The following AUTS2 variants were observed in gnomAD, a reference collection of about 807,000 sequenced individuals.
AUTS2 encodes activator of transcription and developmental regulator AUTS2, also known as autism susceptibility gene 2 protein.
Under a neutral mutation model 112.4 loss-of-function variants are expected in AUTS2, and 17 were observed. The observed-to-expected ratio is 0.15, with a 90% confidence interval of 0.10 to 0.23. The LOEUF (loss-of-function observed/expected upper bound fraction) is 0.23, where lower values mean the gene tolerates loss of function less well. Ranked by LOEUF, AUTS2 falls within the 10% of genes least tolerant of loss-of-function variation. The probability of loss-of-function intolerance (pLI) is 1.00; values close to 1 mark genes in which losing one functional copy is unlikely to be tolerated. For missense variants in AUTS2, 1,510 were observed against 1,701.6 expected (o/e 0.89, Z 1.98); for synonymous variants, 751 against 702.7 (o/e 1.07, Z -1.09).
intron 1 of AUTS2, among the ~76,000 whole-genome samples, chr7:69,832,723 A>G (rs566172630): frequency 1.3e-5 from 2 of 152,340 alleles, no homozygotes; most frequent in South Asian, 2.1e-4. Flanking sequence ...GATTCTTGCC[A>G]GAACTTTACC....
intron 1 of AUTS2, among the ~76,000 whole-genome samples, chr7:69,831,753 T>C (rs999433024): frequency 6.6e-6 from 1 of 152,160 alleles, no homozygotes; most frequent in African/African-American, 2.4e-5. Flanking sequence ...TCCATATTGA[T>C]GATGAAAAAT....
chr7:70,677,430 C>G (rs1048633933), intron 5 of AUTS2, among the ~76,000 whole-genome samples: 1 of 152,156 alleles, frequency 6.6e-6, no homozygotes, highest in African/African-American at 2.4e-5. Flanking sequence ...CTTCTGTGTT[C>G]CTGATGTTAA....
intron 4 of AUTS2, among the ~76,000 whole-genome samples, chr7:70,409,045 G>A (rs1378340180): frequency 6.6e-6 from 1 of 152,194 alleles, no homozygotes; most frequent in African/African-American, 2.4e-5. Context: ...TCACATGAAG[G>A]AACAGATTTG....
At chr7:70,179,316 C>A (rs1181468803) in intron 4 of AUTS2, among the ~76,000 whole-genome samples, 2 of 152,014 alleles carry the variant, frequency 1.3e-5, no homozygotes, top group African/African-American at 4.8e-5. Context: ...TTTCTCAGGC[C>A]CTGAAGCATG....
At chr7:70,657,672 T>C (rs903958460) in intron 5 of AUTS2, among the ~76,000 whole-genome samples, 1 of 152,218 alleles carries the variant, frequency 6.6e-6, no homozygotes, top group Non-Finnish European at 1.5e-5. Context: ...GCGTCACTCC[T>C]TCACTAAGGG....
intron 5 of AUTS2, among the ~76,000 whole-genome samples, chr7:70,597,112 T>C (rs1197841816): frequency 1.3e-5 from 2 of 152,222 alleles, no homozygotes; most frequent in Non-Finnish European, 2.9e-5. Flanking sequence ...AATGGGTAAG[T>C]AACCAATGAG....
intron 5 of AUTS2, among the ~76,000 whole-genome samples, chr7:70,691,988 C>T (rs1482613938): frequency 5.3e-5 from 8 of 150,318 alleles, no homozygotes; most frequent in African/African-American, 1.7e-4. Context: ...TCAAGCGATT[C>T]TCCTGCCTCA....
intron 6 of AUTS2, among the ~76,000 whole-genome samples, chr7:70,750,347 A>G (rs1472896099): frequency 6.7e-6 from 1 of 149,060 alleles, no homozygotes; most frequent in Non-Finnish European, 1.5e-5. Context: ...TTTTTTAAAC[A>G]GGGTCTCACT....
intron 5 of AUTS2, among the ~76,000 whole-genome samples, chr7:70,452,285 C>T (rs552224104): frequency 1.3e-5 from 2 of 151,938 alleles, no homozygotes; most frequent in African/African-American, 2.4e-5. Context: ...ATGGTGAAAC[C>T]CCATCTCTAC....
At chr7:70,426,861 G>GA (rs1192202632) in intron 4 of AUTS2, among the ~76,000 whole-genome samples, 3 of 149,674 alleles carry the variant, frequency 2.0e-5, no homozygotes, top group Non-Finnish European at 4.4e-5. Flanking sequence ...CAACACAGCG[G>GA]AAAAAATAGA....
chr7:69,967,062 T>G (rs1463233137), intron 2 of AUTS2, among the ~76,000 whole-genome samples: 2 of 152,186 alleles, frequency 1.3e-5, no homozygotes, highest in African/African-American at 4.8e-5. Flanking sequence ...AGATGGATTC[T>G]TATTCACTAT....
intron 5 of AUTS2, among the ~76,000 whole-genome samples, chr7:70,665,848 C>T (rs1392267537): frequency 6.6e-6 from 1 of 152,212 alleles, no homozygotes; most frequent in African/African-American, 2.4e-5. Flanking sequence ...TTTTACTATA[C>T]TCAAGTGTCC....
intron 2 of AUTS2, among the ~76,000 whole-genome samples, chr7:70,099,676 C>T (rs2129569160): frequency 6.6e-6 from 1 of 152,220 alleles, no homozygotes; most frequent in South Asian, 2.1e-4. Flanking sequence ...GCCTCAACTA[C>T]CTACCCTATT....
chr7:69,599,291 T>G lies in AUTS2; in HGVS notation c.-363T>G, dbSNP rs1202671061. ...CAAAGCATTCCGCTATTCTGATTTATTGCTTGCTTGGTGAGTTATTTTTTT... is the reference window on the plus strand; with the variant it reads ...CAAAGCATTCCGCTATTCTGATTTAGTGCTTGCTTGGTGAGTTATTTTTTT... On this transcript the variant is annotated 5_prime_UTR_variant, in exon 1 of 19. Coordinates refer to ENST00000342771, the MANE Select transcript of AUTS2 (RefSeq NM_015570.4). The surrounding 1 kb of genome is among the most constrained non-coding windows in gnomAD (Gnocchi z 7.0). 2 of 184,748 alleles carry G rather than the reference T, an allele frequency of 1.1e-5. No homozygotes were observed. The highest frequency in any genetic ancestry group is 2.3e-5 in the African/African-American group (1 of 42,596). 11.4% of individuals were successfully genotyped at this position (184,748 alleles called of 1,614,324 possible).
At chr7:70,146,137 G>A (rs1247914714) in intron 4 of AUTS2, among the ~76,000 whole-genome samples, 1 of 152,062 alleles carries the variant, frequency 6.6e-6, no homozygotes, top group East Asian at 1.9e-4. Context: ...TTGGACAGGG[G>A]AGTGGTTAGA....
chr7:69,694,822 G>T (rs1797486819), intron 1 of AUTS2, among the ~76,000 whole-genome samples: 1 of 152,168 alleles, frequency 6.6e-6, no homozygotes, highest in Non-Finnish European at 1.5e-5. Context: ...TTGACTGTAG[G>T]TATGGCAGTG....
intron 4 of AUTS2, among the ~76,000 whole-genome samples, chr7:70,137,827 T>A (rs1806651821): frequency 6.6e-6 from 1 of 152,236 alleles, no homozygotes; most frequent in African/African-American, 2.4e-5. Flanking sequence ...GGCTGTGCAA[T>A]GTTGTGCAAA....
intron 1 of AUTS2, among the ~76,000 whole-genome samples, chr7:69,747,124 A>G (rs1004026644): frequency 6.6e-6 from 1 of 152,210 alleles, no homozygotes; most frequent in Non-Finnish European, 1.5e-5. Context: ...GGCCCTACCC[A>G]AAGGGTTTCT....
At chr7:70,597,575 A>T (rs1348572249) in intron 5 of AUTS2, among the ~76,000 whole-genome samples, 3 of 152,208 alleles carry the variant, frequency 2.0e-5, no homozygotes, top group African/African-American at 7.2e-5. Flanking sequence ...AATTATAAAG[A>T]TGTTATTTTC....
Sources: allele counts gnomAD v4.1 joint callset (sites outside exome capture counted in the v4.1 genomes callset), GRCh38; gene constraint gnomAD v4.1.1; non-coding constraint Gnocchi (gnomAD v3.1); transcripts MANE v1.5; gene names NCBI Gene and HGNC (gene_info 2026-07-23, HGNC 2026-07-21).